The following DLG5 variants were observed in gnomAD, a reference collection of about 807,000 sequenced individuals.
DLG5 encodes the protein discs large MAGUK scaffold protein 5, also known as disks large homolog 5.
DLG5 carries 48 observed loss-of-function variants against 189.8 expected under a neutral mutation model. The ratio of observed to expected loss-of-function variants is 0.25; its 90% confidence interval spans 0.20 to 0.32. The LOEUF is 0.32. Ranked by LOEUF, DLG5 falls within the 10% of genes least tolerant of loss-of-function variation. The probability of loss-of-function intolerance (pLI) is 1.00; values close to 1 mark genes in which losing one functional copy is unlikely to be tolerated. For missense variants in DLG5, 2,160 were observed against 2,544.7 expected, an observed-to-expected ratio of 0.85 and a Z score of 3.25; for synonymous variants, 1,016 against 1,054.1, an observed-to-expected ratio of 0.96 and a Z score of 0.70.
chr10:77,831,194 C>G (rs1038176745), intron 9 of DLG5, among the ~76,000 whole-genome samples: 5 of 152,122 alleles, frequency 3.3e-5, no homozygotes, highest in African/African-American at 9.7e-5. Context: ...CACCAGAAGT[C>G]AGGAGTTTGA....
the DLG5 span, among the ~76,000 whole-genome samples, chr10:77,937,108 T>A: frequency 6.6e-6 from 1 of 152,156 alleles, no homozygotes; most frequent in Non-Finnish European, 1.5e-5. Flanking sequence ...TCAAGAATAT[T>A]CACTAGCTCC....
At chr10:77,892,474 T>C (rs143667601) in intron 1 of DLG5, among the ~76,000 whole-genome samples, 1 of 152,310 alleles carries the variant, frequency 6.6e-6, no homozygotes, top group East Asian at 1.9e-4. Context: ...AGCACAGTTA[T>C]CAGGAAGAGT....
chr10:77,938,337 CG>C, the DLG5 span, among the ~76,000 whole-genome samples: 1 of 151,992 alleles, frequency 6.6e-6, no homozygotes, highest in Non-Finnish European at 1.5e-5. Context: ...AGGCTGAGAT[CG>C]GAGAATCACT....
intron 11 of DLG5, 25 bp downstream of exon 11, chr10:77,830,192 C>T: frequency 6.2e-7 from 1 of 1,613,614 alleles, no homozygotes; most frequent in Non-Finnish European, 8.5e-7. Context: ...CACCTTGCCT[C>T]CAGAGCCTGG....
At position 77,842,053 on chromosome 10, in the gene DLG5, C is replaced by G. The variant is rs533285899; in HGVS notation, c.1265G>C (p.Arg422Thr). 6.2e-7 allele frequency: 1 copy of G among 1,614,088 alleles called. No homozygotes were observed. The highest frequency in any genetic ancestry group is 8.5e-7 in the Non-Finnish European group (1 of 1,180,064). Residue 422 changes from arginine to threonine, a missense_variant, in exon 7 of 32, where the codon AGG becomes ACG. Transcript: ENST00000372391. ...VKTAKESEKY[R>T]EERDAVYSEY... ...GCTGTACACAGCGTCCCGCTCCTCC[C>G]TGTATTTCTCCGACTCCTTTGCTGT...
intron 1 of DLG5, 177 bp from the exon 2 acceptor site, chr10:77,869,374 C>G: frequency 1.7e-6 from 1 of 593,680 alleles, no homozygotes; most frequent in Non-Finnish European, 2.9e-6. Context: ...TTCGGTGTTT[C>G]TGCCAGGCCT....
chr10:77,859,144 CG>C lies in DLG5; in HGVS notation c.374-2253del, dbSNP rs375140595. The stretch of plus-strand genomic sequence containing the variant: ...GCCTGCCTTGGCCTCCCAAAGTGGT[CG>C]GATTACAGGCGTGAGCCACCACACC... On this transcript the variant is annotated intron_variant, in intron 2 of 31. Coordinates refer to ENST00000372391, the MANE Select transcript of DLG5 (RefSeq NM_004747.4). Among the ~76,000 whole-genome samples, 67 of 151,984 alleles carry C rather than the reference CG, an allele frequency of 4.4e-4. 1 individual carries two copies. The highest frequency in any genetic ancestry group is 1.5e-3 in the African/African-American group (64 of 41,440).
intron 1 of DLG5, among the ~76,000 whole-genome samples, chr10:77,904,737 G>C (rs1429548268): frequency 6.6e-6 from 1 of 150,908 alleles, no homozygotes; most frequent in African/African-American, 2.5e-5. Context: ...ATGTGGAACT[G>C]TAAGTCAAAT....
chr10:77,836,560 A>G (rs1334204367), intron 7 of DLG5, among the ~76,000 whole-genome samples: 1 of 152,134 alleles, frequency 6.6e-6, no homozygotes, highest in East Asian at 1.9e-4. Flanking sequence ...CGTTCCCTCT[A>G]AAGATCATTC....
At chr10:77,826,449 A>C (rs974943580) in intron 13 of DLG5, among the ~76,000 whole-genome samples, 3 of 151,096 alleles carry the variant, frequency 2.0e-5, no homozygotes, top group Non-Finnish European at 4.4e-5. Context: ...AACATGGTGA[A>C]ACCCCCATCT....
chr10:77,909,769 G>A (rs369435795), intron 1 of DLG5, among the ~76,000 whole-genome samples: 3 of 152,174 alleles, frequency 2.0e-5, no homozygotes, highest in East Asian at 1.9e-4. Context: ...TTCAGGAGAA[G>A]GACTCAAAAC....
At chr10:77,922,303 C>CTT (rs1485440878) in intron 1 of DLG5, among the ~76,000 whole-genome samples, 1 of 152,102 alleles carries the variant, frequency 6.6e-6, no homozygotes, top group Non-Finnish European at 1.5e-5. Context: ...AGGGAAAAAA[C>CTT]TCAGGTGTTT....
chr10:77,793,815 A>G (rs1840764631), intron 31 of DLG5, 193 bp downstream of exon 31: 1 of 605,062 alleles, frequency 1.7e-6, no homozygotes. Flanking sequence ...TGAGCTTAAC[A>G]TTCAACCTGT....
chr10:77,909,944 C>G (rs1221628912), intron 1 of DLG5, among the ~76,000 whole-genome samples: 1 of 152,094 alleles, frequency 6.6e-6, no homozygotes, highest in Non-Finnish European at 1.5e-5. Context: ...CCTCATTTTC[C>G]TGCCTGAACT....
chr10:77,886,701 A>G (rs529081210), intron 1 of DLG5, among the ~76,000 whole-genome samples: 1 of 152,284 alleles, frequency 6.6e-6, no homozygotes, highest in South Asian at 2.1e-4. Context: ...CAAAATCCAT[A>G]TGTTAAAGCC....
At chr10:77,837,933 A>G (rs1403983758) in intron 7 of DLG5, among the ~76,000 whole-genome samples, 1 of 152,210 alleles carries the variant, frequency 6.6e-6, no homozygotes. Flanking sequence ...ACCCAGCCCC[A>G]GAGGGCCAGA....
At chr10:77,869,270 C>T (rs1035916382) in intron 1 of DLG5, 73 bp from the exon 2 acceptor site, 27 of 1,400,406 alleles carry the variant, frequency 1.9e-5, no homozygotes, top group Non-Finnish European at 2.6e-5. Flanking sequence ...AGCTGATCAT[C>T]AGTCAATGCC....
intron 1 of DLG5, among the ~76,000 whole-genome samples, chr10:77,925,629 A>G (rs927403681): frequency 2.6e-5 from 4 of 152,178 alleles, no homozygotes; most frequent in African/African-American, 7.2e-5. Context: ...GTGCAATGCA[A>G]CTTCCCCAAC....
chr10:77,828,451 C>T (rs55893027), intron 13 of DLG5, among the ~76,000 whole-genome samples: 48,687 of 136,658 alleles, frequency 0.36, 8,538 homozygotes, highest in Middle Eastern at 0.47. Flanking sequence ...TGCGCCACTG[C>T]GTTCTAACCT....
Sources: allele counts gnomAD v4.1 joint callset (sites outside exome capture counted in the v4.1 genomes callset), GRCh38; gene constraint gnomAD v4.1.1; transcripts MANE v1.5; gene names NCBI Gene and HGNC (gene_info 2026-07-23, HGNC 2026-07-21).